Variants in TLK2 observed in about 807,000 individuals in gnomAD.
The protein encoded by TLK2 is serine/threonine-protein kinase tousled-like 2.
Under a neutral mutation model 117.3 loss-of-function variants are expected in TLK2, and 6 were observed. The ratio of observed to expected loss-of-function variants is 0.05; its 90% CI spans 0.03 to 0.10. The LOEUF is 0.10. Ranked by LOEUF, TLK2 falls within the 10% of genes least tolerant of loss-of-function variation. The pLI is 1.00. For missense variants in TLK2, 299 were observed against 901.2 expected, an observed-to-expected ratio of 0.33 and a Z score of 8.56; for synonymous variants, 257 against 316.7, an observed-to-expected ratio of 0.81 and a Z score of 2.00.
intron 11 of TLK2, among the ~76,000 whole-genome samples, chr17:62,571,895 C>T (rs1180850856): frequency 6.8e-6 from 1 of 148,082 alleles, no homozygotes; most frequent in Non-Finnish European, 1.5e-5. Context: ...TTGCCGGGCA[C>T]GGTGGCTCAT....
intron 19 of TLK2, among the ~76,000 whole-genome samples, chr17:62,605,097 G>C (rs1174606102): frequency 6.6e-6 from 1 of 152,038 alleles, no homozygotes; most frequent in Non-Finnish European, 1.5e-5. Context: ...GGAGGCTGAG[G>C]CGGGCGGATC....
intron 2 of TLK2, among the ~76,000 whole-genome samples, chr17:62,499,885 GA>G (rs1252048040): frequency 6.6e-6 from 1 of 151,290 alleles, no homozygotes; most frequent in Non-Finnish European, 1.5e-5. Context: ...TATTTGTTGT[GA>G]AAAACTTATT....
At chr17:62,519,232 A>G (rs535337363) in intron 2 of TLK2, among the ~76,000 whole-genome samples, 105 of 152,214 alleles carry the variant, frequency 6.9e-4, no homozygotes, top group African/African-American at 2.5e-3. Context: ...GTACAACTTC[A>G]TTGTTTTGCC....
rs564908272 is a variant in TLK2, at chr17:62,486,037, G to A, written c.81+4831G>A. Among the ~76,000 whole-genome samples, 4 of 152,062 alleles carry A rather than the reference G, an allele frequency of 2.6e-5. No individual in the cohort carries two copies. The East Asian group carries it at 7.7e-4, about 29-fold the overall frequency. ...GGGTTTCACCGTGTTAGCCAGGATG[G>A]TCTCGATCTCCTGACCTCGTGATCT... is the stretch of plus-strand genomic sequence containing the variant. On this transcript the variant is annotated intron_variant, in intron 2 of 21. Coordinates refer to ENST00000346027, the MANE Select transcript of TLK2 (RefSeq NM_006852.6).
chr17:62,570,233 C>T (rs929084014), intron 11 of TLK2, among the ~76,000 whole-genome samples: 3 of 152,272 alleles, frequency 2.0e-5, no homozygotes, highest in African/African-American at 7.2e-5. Flanking sequence ...CATAATGGTG[C>T]AGAAGATTGA....
In TLK2 at chr17:62,611,367, A is replaced by C. The variant is rs191216952; in HGVS notation, c.2080-1025A>C. ...TGTATTATTAATTTGTTTATCAAAC[A>C]TGGGGGAAAACCAAAAAATCAGTAG... On this transcript the variant is annotated intron_variant, in intron 21 of 21. Coordinates refer to ENST00000346027, the MANE Select transcript of TLK2 (RefSeq NM_006852.6). Among the ~76,000 whole-genome samples, 8 of 152,374 alleles carry C rather than the reference A, an allele frequency of 5.3e-5. No individual in the cohort carries two copies. The South Asian group carries it at 1.7e-3, about 32-fold the overall frequency.
At position 62,502,029 on chromosome 17, in the gene TLK2, A is replaced by ATTTTTTTTTTTTT. The variant is rs371212708; in HGVS notation, c.82-18739_82-18727dup. ...TCAAACATTTAAGGAAAAAATACCA[A>ATTTTTTTTTTTTT]TTTTTTTTTTTTTTTTTACAAATTT... On this transcript the variant is annotated intron_variant, in intron 2 of 21. Coordinates refer to ENST00000346027, the MANE Select transcript of TLK2 (RefSeq NM_006852.6). Among the ~76,000 whole-genome samples, 418 of 137,340 alleles carry ATTTTTTTTTTTTT rather than the reference A, an allele frequency of 3.0e-3. 3 individuals carry two copies. The highest frequency in any genetic ancestry group is 0.011 in the African/African-American group (401 of 36,538). 90.1% of individuals were successfully genotyped at this position (137,340 alleles called of 152,430 possible).
At chr17:62,568,498 A>G (rs989365550) in intron 11 of TLK2, among the ~76,000 whole-genome samples, 1 of 152,032 alleles carries the variant, frequency 6.6e-6, no homozygotes, top group Non-Finnish European at 1.5e-5. Flanking sequence ...TTTAAGATGC[A>G]TATAACTAGA....
At chr17:62,502,003 A>G (rs2074239214) in intron 2 of TLK2, among the ~76,000 whole-genome samples, 1 of 142,506 alleles carries the variant, frequency 7.0e-6, no homozygotes, top group African/African-American at 2.6e-5. Context: ...GGTAAATTCT[A>G]TCAAACATTT....
intron 2 of TLK2, among the ~76,000 whole-genome samples, chr17:62,510,458 G>T (rs1032127178): frequency 6.6e-6 from 1 of 152,184 alleles, no homozygotes; most frequent in Non-Finnish European, 1.5e-5. Context: ...CTGTAAGTGA[G>T]TAATAAGAGC....
intron 7 of TLK2, 68 bp from the exon 8 acceptor site, chr17:62,552,234 A>G (rs1598534743): frequency 1.6e-6 from 2 of 1,260,688 alleles, no homozygotes; most frequent in Middle Eastern, 2.1e-4. Context: ...AGTTGTTTGC[A>G]TTAATACAAG....
At chr17:62,570,334 G>A (rs1006550985) in intron 11 of TLK2, among the ~76,000 whole-genome samples, 1 of 152,146 alleles carries the variant, frequency 6.6e-6, no homozygotes, top group Non-Finnish European at 1.5e-5. Context: ...CAATACTTCT[G>A]TAAAATATAG....
intron 3 of TLK2, among the ~76,000 whole-genome samples, chr17:62,521,789 A>G (rs151266318): frequency 0.043 from 6,579 of 152,126 alleles, 147 homozygotes; most frequent in Middle Eastern, 0.11. Context: ...TCTAAGTGTA[A>G]GTCTGTAGCC....
In TLK2 at chr17:62,596,689, G is replaced by GTGCTA; in HGVS notation, c.1550+16_1550+17insGCTAT. 6.2e-7 allele frequency: 1 copy of GTGCTA among 1,603,954 alleles called. No homozygotes were observed. Among genetic ancestry groups the GTGCTA allele is most frequent in the Non-Finnish European group, 8.5e-7 (1 of 1,171,090 alleles). On this transcript the variant is annotated intron_variant, in intron 17 of 21. Coordinates refer to ENST00000346027, the MANE Select transcript of TLK2 (RefSeq NM_006852.6). Reference sequence around the variant, plus strand: ...GATACTGACTCGTAAGTGCTGTGCTGTTTTACCTTAACAGTTATATTATTT... The same window carrying GTGCTA: ...GATACTGACTCGTAAGTGCTGTGCTGTGCTATTTTACCTTAACAGTTATATTATTT...
At chr17:62,498,622 C>T (rs2073926559) in intron 2 of TLK2, among the ~76,000 whole-genome samples, 1 of 152,098 alleles carries the variant, frequency 6.6e-6, no homozygotes, top group African/African-American at 2.4e-5. Context: ...AACTCCTGAC[C>T]TCAGGTTATC....
chr17:62,570,341 A>G (rs2080178485), intron 11 of TLK2, among the ~76,000 whole-genome samples: 1 of 152,186 alleles, frequency 6.6e-6, no homozygotes, highest in Non-Finnish European at 1.5e-5. Context: ...TCTGTAAAAT[A>G]TAGAAGAAAT....
intron 2 of TLK2, among the ~76,000 whole-genome samples, chr17:62,513,861 G>T (rs1374442158): frequency 6.6e-6 from 1 of 151,650 alleles, no homozygotes; most frequent in Non-Finnish European, 1.5e-5. Flanking sequence ...CTAATTTTTT[G>T]TATTTTTAGT....
chr17:62,569,102 C>T (rs192586934), intron 11 of TLK2, among the ~76,000 whole-genome samples: 1 of 151,200 alleles, frequency 6.6e-6, no homozygotes, highest in Non-Finnish European at 1.5e-5. Flanking sequence ...GTCAGGAGTT[C>T]GAGACCAGCC....
chr17:62,508,522 A>G, intron 2 of TLK2: 1 of 985,348 alleles, frequency 1.0e-6, no homozygotes, highest in Non-Finnish European at 1.2e-6. Flanking sequence ...CAAAAGGCAA[A>G]ATGAAGGAGA....
Sources: gnomAD v4.1 joint callset for allele counts (sites outside exome capture counted in the v4.1 genomes callset) on GRCh38, gnomAD v4.1.1 for gene constraint, MANE v1.5 for transcripts, NCBI Gene and HGNC (gene_info 2026-07-23, HGNC 2026-07-21) for gene names.